AOPEP: variants seen among roughly 807,000 people sequenced by gnomAD.
AOPEP encodes the protein aminopeptidase O (putative).
Under a neutral mutation model 98.1 loss-of-function variants are expected in AOPEP, and 77 were observed. The ratio of observed to expected loss-of-function variants is 0.78; its 90% CI spans 0.65 to 0.95. The LOEUF (loss-of-function observed/expected upper bound fraction) is 0.95. Ranked by LOEUF, AOPEP falls within the 40% of genes least tolerant of loss-of-function variation. The pLI, the probability that AOPEP is intolerant of heterozygous loss-of-function variation, is 0.00. For missense variants in AOPEP, 1,024 were observed against 1,024.7 expected, an observed-to-expected ratio of 1.00 and a Z score of 0.01; for synonymous variants, 346 against 365.3, an observed-to-expected ratio of 0.95 and a Z score of 0.60.
At chr9:95,006,530 C>T (rs1168198653) in intron 13 of AOPEP, among the ~76,000 whole-genome samples, 1 of 152,120 alleles carries the variant, frequency 6.6e-6, no homozygotes, top group African/African-American at 2.4e-5. Context: ...TAAAGGTGAT[C>T]CCAGAGCTGC....
chr9:95,146,331 AC>A, the AOPEP span, among the ~76,000 whole-genome samples: 451 of 151,858 alleles, frequency 3.0e-3, 3 homozygotes, highest in African/African-American at 0.01. Context: ...TACCGAAAAT[AC>A]AAAAAATTAG....
At chr9:95,125,397 T>G in the AOPEP span, among the ~76,000 whole-genome samples, 1 of 152,262 alleles carries the variant, frequency 6.6e-6, no homozygotes, top group Non-Finnish European at 1.5e-5. Flanking sequence ...TGCAGAGCTC[T>G]CTTTCTTGGT....
At chr9:94,855,185 C>A (rs2135280211) in intron 5 of AOPEP, among the ~76,000 whole-genome samples, 1 of 152,216 alleles carries the variant, frequency 6.6e-6, no homozygotes, top group South Asian at 2.1e-4. Context: ...TCAAGCGATT[C>A]TCCTACCTCA....
chr9:94,874,944 A>AATGC (rs2046749038), intron 5 of AOPEP, among the ~76,000 whole-genome samples: 1 of 152,152 alleles, frequency 6.6e-6, no homozygotes, highest in Non-Finnish European at 1.5e-5. Context: ...GCCAAACATG[A>AATGC]ATGCATGCCT....
At chr9:95,141,311 CAAAAAAAAAAAA>C in the AOPEP span, among the ~76,000 whole-genome samples, 5 of 54,864 alleles carry the variant, frequency 9.1e-5, no homozygotes, top group African/African-American at 3.0e-4. Context: ...GACCCTGTCT[CAAAAAAAAAAAA>C]AAAAAAAAAA....
the AOPEP span, among the ~76,000 whole-genome samples, chr9:95,120,144 T>C: frequency 2.0e-5 from 3 of 152,386 alleles, no homozygotes; most frequent in East Asian, 5.8e-4. Context: ...TTTATCTTTC[T>C]AACATTTCTG....
rs372035079 is a variant in AOPEP, at chr9:94,792,974, G to A, written c.1118+56G>A. The A allele has an allele frequency of 1.1e-4, 169 of 1,519,300 alleles. 1 individual carries two copies. The South Asian group carries it at 2.1e-3, about 18-fold the overall frequency. 94.1% of individuals were successfully genotyped at this position (1,519,300 alleles called of 1,614,324 possible). On this transcript the variant is annotated intron_variant, in intron 4 of 16. Transcript: ENST00000375315. ...AAAAAAAAAAACACTTGAGGGAGCG[G>A]TATGATGCATTTCTTCCAAGCACTG...
chr9:95,101,608 C>T, the AOPEP span: 12 of 1,437,684 alleles, frequency 8.3e-6, no homozygotes, highest in African/African-American at 9.8e-5. Flanking sequence ...CCAGCGAGGG[C>T]ACTTACTCCA....
chr9:95,079,510 TGA>T (rs1002909768), intron 14 of AOPEP, among the ~76,000 whole-genome samples: 12 of 152,250 alleles, frequency 7.9e-5, no homozygotes, highest in African/African-American at 2.9e-4. Context: ...GTGGTATAAC[TGA>T]GAGTGCTTTG....
At position 94,930,499 on chromosome 9, in the gene AOPEP, A is replaced by G. The variant is rs576962826; in HGVS notation, c.1661+1968A>G. ...GAGACTGGAACATTCAGCCTATAAA[A>G]CCCTTTAAATCTTGAACACAGTGAA... On this transcript the variant is annotated intron_variant, in intron 7 of 16. Coordinates refer to ENST00000375315, the MANE Select transcript of AOPEP (RefSeq NM_001193329.3). This position sits in a 1 kb window ranked among gnomAD's most constrained non-coding sequence, Gnocchi z 4.5. Among the ~76,000 whole-genome samples, 53 of 152,228 alleles carry G rather than the reference A, an allele frequency of 3.5e-4. No homozygotes were observed. The highest frequency in any genetic ancestry group is 1.3e-3 in the African/African-American group (52 of 41,538).
At chr9:94,887,935 G>C (rs2048420296) in intron 5 of AOPEP, among the ~76,000 whole-genome samples, 1 of 152,162 alleles carries the variant, frequency 6.6e-6, no homozygotes, top group South Asian at 2.1e-4. Context: ...GTGAGCAGTG[G>C]GTTTTATTGG....
the AOPEP span, chr9:95,114,529 A>G: frequency 9.5e-7 from 1 of 1,056,036 alleles, no homozygotes; most frequent in South Asian, 1.3e-5. Flanking sequence ...ATGGTCCCAG[A>G]CCAGTAATGC....
At chr9:94,899,283 C>T (rs1240048353) in intron 5 of AOPEP, among the ~76,000 whole-genome samples, 1 of 131,928 alleles carries the variant, frequency 7.6e-6, no homozygotes, top group Non-Finnish European at 1.6e-5. Flanking sequence ...CTCCTGGGTT[C>T]ACGCCATTCT....
At chr9:94,937,280 CGAG>C (rs1455693038) in intron 7 of AOPEP, among the ~76,000 whole-genome samples, 1 of 152,192 alleles carries the variant, frequency 6.6e-6, no homozygotes, top group East Asian at 1.9e-4. Context: ...TGCCAGGAAA[CGAG>C]GACAAAAACC....
At chr9:95,049,988 G>A (rs2066200662) in intron 13 of AOPEP, among the ~76,000 whole-genome samples, 1 of 152,168 alleles carries the variant, frequency 6.6e-6, no homozygotes, top group Non-Finnish European at 1.5e-5. Flanking sequence ...CCAGGCTCTG[G>A]GTCCAGGCTG....
chr9:94,771,780 C>T (rs961602416), intron 2 of AOPEP, among the ~76,000 whole-genome samples: 1 of 152,172 alleles, frequency 6.6e-6, no homozygotes, highest in East Asian at 1.9e-4. Context: ...CCAGATGACT[C>T]CTGCCTCATA....
At chr9:94,960,207 C>T (rs947696697) in intron 9 of AOPEP, among the ~76,000 whole-genome samples, 11 of 151,866 alleles carry the variant, frequency 7.2e-5, no homozygotes, top group African/African-American at 2.2e-4. Context: ...GTCAGGAGTT[C>T]GAGACCAGCC....
chr9:94,817,820 G>C (rs1852043823), intron 5 of AOPEP, among the ~76,000 whole-genome samples: 1 of 152,154 alleles, frequency 6.6e-6, no homozygotes, highest in Non-Finnish European at 1.5e-5. Flanking sequence ...GCTTTCATGT[G>C]AAGTATGAGG....
the AOPEP span, chr9:95,135,211 T>A: frequency 2.3e-6 from 2 of 881,398 alleles, no homozygotes; most frequent in Non-Finnish European, 3.7e-6. Flanking sequence ...AAAAATAAAA[T>A]GTAAATACAC....
Sources: gnomAD v4.1 joint callset for allele counts (sites outside exome capture counted in the v4.1 genomes callset) on GRCh38, gnomAD v4.1.1 for gene constraint, Gnocchi (gnomAD v3.1) non-coding constraint, MANE v1.5 for transcripts, NCBI Gene and HGNC (gene_info 2026-07-23, HGNC 2026-07-21) for gene names.